The following SCHIP1 variants were observed in gnomAD, a reference collection of about 807,000 sequenced individuals.
The protein encoded by SCHIP1 is schwannomin-interacting protein 1.
A neutral mutation model predicts 29.7 loss-of-function variants in SCHIP1; 8 were observed. The observed-to-expected ratio is 0.27, with a 90% CI of 0.16 to 0.49. The LOEUF is 0.49. SCHIP1 is among the 20% of genes least tolerant of loss of function. The probability of loss-of-function intolerance (pLI) is 0.99; values close to 1 mark genes in which losing one functional copy is unlikely to be tolerated. For synonymous variants in SCHIP1, 76 were observed against 94.9 expected (o/e 0.80, Z 1.16); for missense variants, 193 against 294.6 (o/e 0.66, Z 2.52).
chr3:159,539,886 A>ACTTTTTGGT, the SCHIP1 span, among the ~76,000 whole-genome samples: 1 of 83,424 alleles, frequency 1.2e-5, no homozygotes, highest in Non-Finnish European at 3.2e-5. Flanking sequence ...TAAAGAAATA[A>ACTTTTTGGT]AGAGATGATT....
chr3:159,315,968 T>G, the SCHIP1 span, among the ~76,000 whole-genome samples: 1 of 152,090 alleles, frequency 6.6e-6, no homozygotes, highest in Non-Finnish European at 1.5e-5. Context: ...GAAATGGAGT[T>G]AGAAGATTTT....
the SCHIP1 span, among the ~76,000 whole-genome samples, chr3:159,640,993 G>A: frequency 1.9e-4 from 29 of 152,208 alleles, no homozygotes; most frequent in South Asian, 3.9e-3. Context: ...GACCTTCGTT[G>A]GAATTCTGGT....
chr3:159,290,525 A>G, the SCHIP1 span, among the ~76,000 whole-genome samples: 1 of 152,134 alleles, frequency 6.6e-6, no homozygotes, highest in Non-Finnish European at 1.5e-5. Context: ...AAGAAAACCA[A>G]ATAAAAAACA....
At chr3:159,714,189 T>C in the SCHIP1 span, among the ~76,000 whole-genome samples, 4 of 152,112 alleles carry the variant, frequency 2.6e-5, no homozygotes, top group Admixed American at 6.5e-5. Flanking sequence ...TGAGCTGAGA[T>C]TGCACCATTG....
At chr3:159,447,055 C>T in the SCHIP1 span, among the ~76,000 whole-genome samples, 2 of 152,134 alleles carry the variant, frequency 1.3e-5, no homozygotes, top group African/African-American at 4.8e-5. Flanking sequence ...CCTAGCCTCC[C>T]ACATCAACTT....
chr3:159,401,783 T>C, the SCHIP1 span, among the ~76,000 whole-genome samples: 1 of 152,250 alleles, frequency 6.6e-6, no homozygotes, highest in Non-Finnish European at 1.5e-5. Context: ...TTTATGGTTT[T>C]AGGTCTAACA....
At chr3:159,780,691 G>A in the SCHIP1 span, among the ~76,000 whole-genome samples, 15 of 152,186 alleles carry the variant, frequency 9.9e-5, no homozygotes, top group Non-Finnish European at 1.8e-4. Flanking sequence ...CACCCTCACC[G>A]TACTCCTTTA....
chr3:159,531,431 CT>C, the SCHIP1 span, among the ~76,000 whole-genome samples: 2 of 152,310 alleles, frequency 1.3e-5, no homozygotes, highest in African/African-American at 4.8e-5. Context: ...ACAGAGGTTG[CT>C]TTGTAACTGT....
the SCHIP1 span, among the ~76,000 whole-genome samples, chr3:159,684,153 G>A: frequency 3.3e-5 from 5 of 152,090 alleles, no homozygotes; most frequent in Non-Finnish European, 4.4e-5. Context: ...CACTGATTGA[G>A]CCAATATTTC....
the SCHIP1 span, among the ~76,000 whole-genome samples, chr3:159,464,430 C>T: frequency 6.6e-6 from 1 of 152,116 alleles, no homozygotes; most frequent in Admixed American, 6.6e-5. Context: ...CTAAATGTTT[C>T]TTAACTCTAA....
the SCHIP1 span, among the ~76,000 whole-genome samples, chr3:159,783,255 T>C: frequency 6.6e-6 from 1 of 152,188 alleles, no homozygotes; most frequent in Non-Finnish European, 1.5e-5. Context: ...TTCAGTTGAC[T>C]TTGGAGACTG....
intron 1 of SCHIP1, among the ~76,000 whole-genome samples, chr3:159,840,963 G>A (rs1037470714): frequency 6.6e-6 from 1 of 152,180 alleles, no homozygotes. Context: ...AAGTATCTTT[G>A]TTGAAAACAG....
the SCHIP1 span, among the ~76,000 whole-genome samples, chr3:159,677,692 C>A: frequency 6.6e-6 from 1 of 152,130 alleles, no homozygotes; most frequent in Non-Finnish European, 1.5e-5. Flanking sequence ...ATGAAAGTGG[C>A]CAGGGAGATC....
chr3:159,750,247 G>C, the SCHIP1 span, among the ~76,000 whole-genome samples: 1 of 35,864 alleles, frequency 2.8e-5, no homozygotes, highest in African/African-American at 1.1e-4. Context: ...ATATATATAG[G>C]TGTGTATGTG....
intron 5 of SCHIP1, 78 bp from the exon 7 acceptor site, chr3:159,892,019 A>C: frequency 1.3e-6 from 2 of 1,501,290 alleles, no homozygotes; most frequent in Non-Finnish European, 1.8e-6. Flanking sequence ...GTTTGTGTGT[A>C]TACTGGTTGG....
At chr3:159,693,881 T>C in the SCHIP1 span, among the ~76,000 whole-genome samples, 1 of 152,344 alleles carries the variant, frequency 6.6e-6, no homozygotes, top group South Asian at 2.1e-4. Context: ...AAGTCATTTA[T>C]AGAATGGTAG....
the SCHIP1 span, among the ~76,000 whole-genome samples, chr3:159,348,072 A>G: frequency 1.3e-5 from 2 of 152,156 alleles, no homozygotes; most frequent in African/African-American, 4.8e-5. Context: ...AGTTTTTGTA[A>G]TGTAGTGAAA....
At chr3:159,574,348 C>A in the SCHIP1 span, among the ~76,000 whole-genome samples, 1 of 152,174 alleles carries the variant, frequency 6.6e-6, no homozygotes, top group African/African-American at 2.4e-5. Flanking sequence ...TGTTAGTTTT[C>A]CTTCTAACAG....
At chr3:159,721,763 T>A in the SCHIP1 span, 1 of 449,098 alleles carries the variant, frequency 2.2e-6, no homozygotes, top group South Asian at 2.0e-5. Context: ...TCACTGTCTT[T>A]CTTCTTGTTC....
Sources: gnomAD v4.1 joint callset for allele counts (sites outside exome capture counted in the v4.1 genomes callset) on GRCh38, gnomAD v4.1.1 for gene constraint, MANE v1.5 for transcripts, NCBI Gene and HGNC (gene_info 2026-07-23, HGNC 2026-07-21) for gene names.